Variants in NCOA2 observed in about 807,000 individuals in gnomAD.
The protein encoded by NCOA2 is class E basic helix-loop-helix protein 75.
In NCOA2, 21 loss-of-function variants were observed where a neutral mutation model predicts 145.1. That is an observed-to-expected ratio of 0.14 (90% CI 0.10 to 0.21). The LOEUF (loss-of-function observed/expected upper bound fraction) is 0.21. NCOA2 is among the 10% of genes least tolerant of loss of function. The pLI is 1.00. For synonymous variants in NCOA2, 619 were observed against 637.5 expected, an observed-to-expected ratio of 0.97 and a Z score of 0.44; for missense variants, 1,472 against 1,837.6, an observed-to-expected ratio of 0.80 and a Z score of 3.64.
At chr8:70,269,342 T>C (rs1029291293) in intron 2 of NCOA2, among the ~76,000 whole-genome samples, 5 of 152,170 alleles carry the variant, frequency 3.3e-5, no homozygotes, top group African/African-American at 1.2e-4. Flanking sequence ...CTAGGTGCAG[T>C]GGCTCACACC....
chr8:70,351,578 AC>A (rs1809218560), intron 1 of NCOA2, among the ~76,000 whole-genome samples: 1 of 146,954 alleles, frequency 6.8e-6, no homozygotes, highest in Non-Finnish European at 1.5e-5. Flanking sequence ...ATTTGGGTTC[AC>A]CTTTTCTTTT....
intron 1 of NCOA2, among the ~76,000 whole-genome samples, chr8:70,313,732 A>C (rs1014020769): frequency 2.0e-5 from 3 of 152,218 alleles, no homozygotes; most frequent in Non-Finnish European, 2.9e-5. Flanking sequence ...GTTGGCTAAA[A>C]GATTTTAGAT....
In NCOA2 at chr8:70,265,715, C is replaced by T. The variant is rs41341245; in HGVS notation, c.-20+31029G>A. On this transcript the variant is annotated intron_variant, in intron 2 of 22. Transcript: ENST00000452400. ...CCATCCCTACTGTTCTGAACCAACG[C>T]ATAGCCTCTCTCACTAGTCTTTTCA... is the stretch of plus-strand genomic sequence containing the variant. 0.018 allele frequency among the ~76,000 whole-genome samples: 2,807 copies of T among 152,302 alleles called. 338 individuals are homozygous for T. In the East Asian group the frequency reaches 0.33, roughly 18 times the overall value.
intron 1 of NCOA2, among the ~76,000 whole-genome samples, chr8:70,357,758 TG>T (rs1047362193): frequency 1.4e-5 from 2 of 142,412 alleles, no homozygotes; most frequent in Non-Finnish European, 3.0e-5. Flanking sequence ...AAAAGCGCGG[TG>T]GGGGGAAGAT....
intron 1 of NCOA2, among the ~76,000 whole-genome samples, chr8:70,336,738 C>T (rs1807632301): frequency 6.6e-6 from 1 of 152,212 alleles, no homozygotes; most frequent in South Asian, 2.1e-4. Context: ...CCCCTCCCAC[C>T]AGGCCCCTCC....
the NCOA2 span, among the ~76,000 whole-genome samples, chr8:70,450,570 A>ACTCTTTTTT: frequency 1.6e-5 from 1 of 61,136 alleles, no homozygotes; most frequent in Admixed American, 1.3e-4. Context: ...ACTTCTTTTT[A>ACTCTTTTTT]TTCTTTTTTT....
upstream of NCOA2, among the ~76,000 whole-genome samples, chr8:70,405,607 G>A (rs1482436810): frequency 6.6e-6 from 1 of 151,250 alleles, no homozygotes; most frequent in African/African-American, 2.4e-5. Context: ...TCACAATTCT[G>A]AACTCCCGAT....
At chr8:70,385,765 T>G (rs991311358) in intron 1 of NCOA2, among the ~76,000 whole-genome samples, 1 of 152,164 alleles carries the variant, frequency 6.6e-6, no homozygotes, top group African/African-American at 2.4e-5. Flanking sequence ...CATATTCCAA[T>G]AGAATGTTCC....
chr8:70,285,632 C>CT (rs1826180989), intron 2 of NCOA2, among the ~76,000 whole-genome samples: 25 of 152,206 alleles, frequency 1.6e-4, no homozygotes, highest in Admixed American at 1.6e-3. Context: ...CTTTGTAATC[C>CT]CATTCACGTA....
At chr8:70,144,539 A>G in intron 13 of NCOA2, 103 bp downstream of exon 13, 1 of 914,170 alleles carries the variant, frequency 1.1e-6, no homozygotes, top group East Asian at 2.6e-5. Context: ...TTATTTTCTA[A>G]CATAAAAAGT....
At chr8:70,298,242 A>G (rs1029602795) in intron 1 of NCOA2, among the ~76,000 whole-genome samples, 1 of 152,168 alleles carries the variant, frequency 6.6e-6, no homozygotes, top group South Asian at 2.1e-4. Context: ...CAAAATTACT[A>G]TTTTTCTTGG....
chr8:70,232,741 G>A (rs752666626), intron 2 of NCOA2, among the ~76,000 whole-genome samples: 1 of 151,812 alleles, frequency 6.6e-6, no homozygotes, highest in Non-Finnish European at 1.5e-5. Flanking sequence ...ATGTTTCAAG[G>A]ATGAGCTTAA....
At chr8:70,411,602 A>G in the NCOA2 span, among the ~76,000 whole-genome samples, 4 of 152,230 alleles carry the variant, frequency 2.6e-5, no homozygotes, top group African/African-American at 9.6e-5. Flanking sequence ...TCAACAGAAG[A>G]CTGAATGAAT....
chr8:70,449,069 G>A, the NCOA2 span, among the ~76,000 whole-genome samples: 3 of 152,088 alleles, frequency 2.0e-5, no homozygotes, highest in African/African-American at 7.2e-5. Context: ...GTCTCCCAAA[G>A]CCCTGAAATT....
At chr8:70,394,113 C>T (rs184873478) in intron 1 of NCOA2, among the ~76,000 whole-genome samples, 143 of 152,276 alleles carry the variant, frequency 9.4e-4, no homozygotes, top group African/African-American at 3.1e-3. Context: ...TGACGTACTG[C>T]CTATTTAGAA....
chr8:70,230,110 C>G (rs1821004978), intron 2 of NCOA2, among the ~76,000 whole-genome samples: 1 of 152,160 alleles, frequency 6.6e-6, no homozygotes, highest in Non-Finnish European at 1.5e-5. Context: ...AACTTTTGAG[C>G]TGAAGATGGT....
chr8:70,184,694 G>A (rs186694921), intron 4 of NCOA2, among the ~76,000 whole-genome samples: 1 of 152,256 alleles, frequency 6.6e-6, no homozygotes, highest in East Asian at 1.9e-4. Context: ...AACGTGTAGA[G>A]AAAGACAGAG....
chr8:70,429,619 T>C, the NCOA2 span, among the ~76,000 whole-genome samples: 1 of 152,218 alleles, frequency 6.6e-6, no homozygotes. Flanking sequence ...CTCACTGTCT[T>C]CTTATACAGG....
At chr8:70,368,332 G>C (rs1252544361) in intron 1 of NCOA2, among the ~76,000 whole-genome samples, 1 of 152,216 alleles carries the variant, frequency 6.6e-6, no homozygotes, top group East Asian at 1.9e-4. Context: ...AAATACACTA[G>C]GCTGGGACTT....
Sources: gnomAD v4.1 joint callset for allele counts (sites outside exome capture counted in the v4.1 genomes callset) on GRCh38, gnomAD v4.1.1 for gene constraint, MANE v1.5 for transcripts, NCBI Gene and HGNC (gene_info 2026-07-23, HGNC 2026-07-21) for gene names.